Variants in TBC1D5 observed in about 807,000 individuals in gnomAD.
The protein encoded by TBC1D5 is TBC1 domain family, member 5.
TBC1D5 carries 75 observed loss-of-function variants against 100.3 expected under a neutral mutation model. That is an observed-to-expected ratio of 0.75 (90% CI 0.62 to 0.91). The LOEUF (loss-of-function observed/expected upper bound fraction) is 0.91. TBC1D5 is among the 40% of genes least tolerant of loss of function. The pLI is 0.00. For synonymous variants in TBC1D5, 323 were observed against 325.6 expected, an observed-to-expected ratio of 0.99 and a Z score of 0.09; for missense variants, 910 against 942.4, an observed-to-expected ratio of 0.97 and a Z score of 0.45.
chr3:17,236,339 T>C (rs2075850830), intron 17 of TBC1D5, among the ~76,000 whole-genome samples: 1 of 152,186 alleles, frequency 6.6e-6, no homozygotes, highest in African/African-American at 2.4e-5. Context: ...AATTAAGAAA[T>C]ATGTAAAATA....
At chr3:17,225,161 G>T (rs978331909) in intron 17 of TBC1D5, among the ~76,000 whole-genome samples, 1 of 152,034 alleles carries the variant, frequency 6.6e-6, no homozygotes, top group Non-Finnish European at 1.5e-5. Flanking sequence ...ATAACAGGCC[G>T]GACGCGGTGG....
chr3:17,260,056 G>A (rs543893063), intron 15 of TBC1D5, among the ~76,000 whole-genome samples: 1 of 152,090 alleles, frequency 6.6e-6, no homozygotes, highest in African/African-American at 2.4e-5. Context: ...AATTACATAG[G>A]TTTTCTCATG....
At chr3:17,457,688 CTATTT>C (rs1290346580) in intron 3 of TBC1D5, among the ~76,000 whole-genome samples, 3 of 151,700 alleles carry the variant, frequency 2.0e-5, no homozygotes, top group African/African-American at 7.3e-5. Context: ...ATTGCTTTAT[CTATTT>C]TGAGTGTTTT....
At chr3:17,419,632 A>T (rs2094161730) in intron 4 of TBC1D5, among the ~76,000 whole-genome samples, 1 of 151,820 alleles carries the variant, frequency 6.6e-6, no homozygotes, top group Admixed American at 6.6e-5. Flanking sequence ...CCTAACACCC[A>T]CCATCCCAAC....
intron 1 of TBC1D5, among the ~76,000 whole-genome samples, chr3:17,692,910 A>C (rs1200660555): frequency 6.6e-6 from 1 of 152,238 alleles, no homozygotes; most frequent in Non-Finnish European, 1.5e-5. Context: ...CAGGCAGATC[A>C]CTTGAACCCA....
chr3:17,229,342 C>CT (rs2075213890), intron 17 of TBC1D5, among the ~76,000 whole-genome samples: 1 of 152,164 alleles, frequency 6.6e-6, no homozygotes, highest in African/African-American at 2.4e-5. Flanking sequence ...AGACATGCAT[C>CT]TTGCTGTCAC....
At chr3:17,495,577 T>C (rs977546860) in intron 3 of TBC1D5, among the ~76,000 whole-genome samples, 6 of 152,162 alleles carry the variant, frequency 3.9e-5, no homozygotes, top group Non-Finnish European at 7.4e-5. Flanking sequence ...TATAAAGAAA[T>C]AGAAATATAA....
At chr3:17,670,771 T>C (rs1577359565) in intron 1 of TBC1D5, among the ~76,000 whole-genome samples, 1 of 152,326 alleles carries the variant, frequency 6.6e-6, no homozygotes, top group East Asian at 1.9e-4. Context: ...TTCCTGGCCA[T>C]GTCAGGGAAA....
chr3:17,344,085 T>A (rs1048802016), intron 13 of TBC1D5, among the ~76,000 whole-genome samples: 9 of 152,184 alleles, frequency 5.9e-5, no homozygotes, highest in Admixed American at 4.6e-4. Flanking sequence ...TCTTTCCTGC[T>A]TTCTCTTGTG....
intron 1 of TBC1D5, among the ~76,000 whole-genome samples, chr3:17,663,514 G>T (rs1222061665): frequency 1.3e-5 from 2 of 152,054 alleles, no homozygotes; most frequent in African/African-American, 4.8e-5. Context: ...ATTACAACAA[G>T]AAACTACTTT....
At chr3:17,445,471 T>C in intron 3 of TBC1D5, among the ~76,000 whole-genome samples, 1 of 152,162 alleles carries the variant, frequency 6.6e-6, no homozygotes, top group East Asian at 1.9e-4. Flanking sequence ...TATTATTACA[T>C]TCAAAAGATG....
At chr3:17,283,606 A>T (rs2080839670) in intron 15 of TBC1D5, among the ~76,000 whole-genome samples, 2 of 152,162 alleles carry the variant, frequency 1.3e-5, no homozygotes, top group South Asian at 4.2e-4. Flanking sequence ...GAGTGTGCTT[A>T]CCAAGGGAGA....
intron 2 of TBC1D5, among the ~76,000 whole-genome samples, chr3:17,539,855 C>G (rs1198817593): frequency 1.3e-5 from 2 of 152,136 alleles, no homozygotes; most frequent in African/African-American, 4.8e-5. Context: ...TGGGGATACA[C>G]CCAGAAGTGG....
intron 13 of TBC1D5, among the ~76,000 whole-genome samples, chr3:17,312,626 T>C (rs749761035): frequency 3.9e-5 from 6 of 152,196 alleles, no homozygotes; most frequent in Non-Finnish European, 7.4e-5. Flanking sequence ...AAGTCTATTT[T>C]TGACTTTGGG....
At chr3:17,688,252 T>G (rs1039897550) in intron 1 of TBC1D5, among the ~76,000 whole-genome samples, 2 of 152,110 alleles carry the variant, frequency 1.3e-5, no homozygotes, top group African/African-American at 2.4e-5. Flanking sequence ...CACATACATA[T>G]AGGCCCATCA....
intron 2 of TBC1D5, among the ~76,000 whole-genome samples, chr3:17,590,259 AG>A (rs2096758319): frequency 6.6e-6 from 1 of 152,222 alleles, no homozygotes; most frequent in African/African-American, 2.4e-5. Context: ...TAATGGTGGA[AG>A]GAACACAGAG....
rs537972449 is a variant in TBC1D5, at chr3:17,385,337, C to T, written c.510-1322G>A. On this transcript the variant is annotated intron_variant, in intron 8 of 21. Transcript: ENST00000253692. Reference sequence around the variant, plus strand: ...TGTGAGAGAGTAGAGAGGAAGATGACCTAGAGCATGAAGGCATAGAGCATT... The same window carrying T: ...TGTGAGAGAGTAGAGAGGAAGATGATCTAGAGCATGAAGGCATAGAGCATT... 2.0e-5 allele frequency among the ~76,000 whole-genome samples: 3 copies of T among 152,034 alleles called. No individual in the cohort carries two copies. The South Asian group carries it at 6.2e-4, about 32-fold the overall frequency.
intron 13 of TBC1D5, among the ~76,000 whole-genome samples, chr3:17,328,648 T>A (rs2086492422): frequency 6.6e-6 from 1 of 152,188 alleles, no homozygotes. Flanking sequence ...TTATTTTTAA[T>A]GAAGTGGGTT....
intron 1 of TBC1D5, among the ~76,000 whole-genome samples, chr3:17,732,787 T>G (rs1167223894): frequency 6.6e-6 from 1 of 151,468 alleles, no homozygotes; most frequent in African/African-American, 2.4e-5. Context: ...CGTTTGTCTT[T>G]ATGAAGTATC....
Sources: allele counts gnomAD v4.1 joint callset (sites outside exome capture counted in the v4.1 genomes callset), GRCh38; gene constraint gnomAD v4.1.1; transcripts MANE v1.5; gene names NCBI Gene and HGNC (gene_info 2026-07-23, HGNC 2026-07-21).